The following RUSF1 variants were observed in gnomAD, a reference collection of about 807,000 sequenced individuals.
RUSF1 encodes RUS family member 1.
A neutral mutation model predicts 63.0 loss-of-function variants in RUSF1; 58 were observed. The observed-to-expected ratio is 0.92, with a 90% CI of 0.75 to 1.15. RUSF1 has a LOEUF of 1.15. Ranked by LOEUF, RUSF1 falls within the 50% of genes most tolerant of loss-of-function variation. RUSF1 has a pLI of 0.00. For synonymous variants in RUSF1, 274 were observed against 255.8 expected, an observed-to-expected ratio of 1.07 and a Z score of -0.68; for missense variants, 652 against 611.0, an observed-to-expected ratio of 1.07 and a Z score of -0.71.
At position 31,490,443 on chromosome 16, in the gene RUSF1, A is replaced by G. The variant is rs774466733; in HGVS notation, c.*392T>C. ...GGCAGCAGCCAGGCGGCTGGAGGAC[A>G]TCAGCGAGGACCCGAGCTGGGCCCG... On this transcript the variant is annotated 3_prime_UTR_variant, in exon 13 of 13. Transcript: ENST00000327237. The G allele has an allele frequency of 6.2e-7, 1 of 1,613,960 alleles. No individual in the cohort carries two copies. The highest frequency in any genetic ancestry group is 1.7e-5 in the Admixed American group (1 of 59,998).
At chr16:31,504,976 C>G (rs2082650803) in intron 2 of RUSF1, among the ~76,000 whole-genome samples, 1 of 152,120 alleles carries the variant, frequency 6.6e-6, no homozygotes, top group East Asian at 1.9e-4. Context: ...ACCAGGGGCA[C>G]AATGCACTGT....
intron 2 of RUSF1, among the ~76,000 whole-genome samples, chr16:31,501,506 G>A (rs1414996045): frequency 6.6e-6 from 1 of 152,018 alleles, no homozygotes; most frequent in Admixed American, 6.5e-5. Flanking sequence ...TGAGGCGGAA[G>A]GATGGCTTGA....
intron 2 of RUSF1, among the ~76,000 whole-genome samples, chr16:31,501,238 T>C (rs1380312342): frequency 6.6e-6 from 1 of 152,220 alleles, no homozygotes; most frequent in Non-Finnish European, 1.5e-5. Context: ...GCTAACCTGT[T>C]CTAGCTCTTA....
At position 31,490,437 on chromosome 16, in the gene RUSF1, G is replaced by A. The variant is rs149843540; in HGVS notation, c.*398C>T. 27 of 1,613,774 alleles carry A rather than the reference G, an allele frequency of 1.7e-5. No homozygotes were observed. Among genetic ancestry groups the A allele is most frequent in the African/African-American group, 5.3e-5 (4 of 74,944 alleles). The stretch of plus-strand genomic sequence containing the variant: ...GGCAGCGGCAGCAGCCAGGCGGCTG[G>A]AGGACATCAGCGAGGACCCGAGCTG... On this transcript the variant is annotated 3_prime_UTR_variant, in exon 13 of 13. Coordinates refer to ENST00000327237, the MANE Select transcript of RUSF1 (RefSeq NM_022744.4).
At chr16:31,494,140 T>C (rs796320927) in intron 6 of RUSF1, among the ~76,000 whole-genome samples, 24 of 152,272 alleles carry the variant, frequency 1.6e-4, no homozygotes, top group African/African-American at 5.3e-4. Flanking sequence ...GTACCAGCAC[T>C]TTGGGAGGCT....
At chr16:31,496,752 T>G (rs905580213) in intron 6 of RUSF1, 97 bp downstream of exon 6, 31 of 1,084,668 alleles carry the variant, frequency 2.9e-5, no homozygotes, top group Non-Finnish European at 3.7e-5. Context: ...GCACCCATAC[T>G]TCTTCCTGTG....
At chr16:31,504,415 C>T (rs1301353499) in intron 2 of RUSF1, among the ~76,000 whole-genome samples, 3 of 152,074 alleles carry the variant, frequency 2.0e-5, no homozygotes, top group Non-Finnish European at 4.4e-5. Context: ...ATTCCAGGCA[C>T]GTGCCACCAT....
chr16:31,502,067 A>G (rs2082635485), intron 2 of RUSF1, among the ~76,000 whole-genome samples: 1 of 152,220 alleles, frequency 6.6e-6, no homozygotes, highest in Non-Finnish European at 1.5e-5. Context: ...AGCAGCACCC[A>G]TTAAGCCTGG....
At chr16:31,500,655 C>T in intron 3 of RUSF1, 31 bp downstream of exon 3, 1 of 1,607,028 alleles carries the variant, frequency 6.2e-7, no homozygotes, top group Non-Finnish European at 8.5e-7. Context: ...GGAAGAGTTG[C>T]CAGAGTTGCT....
At chr16:31,496,086 G>A (rs1203951275) in intron 6 of RUSF1, among the ~76,000 whole-genome samples, 2 of 152,140 alleles carry the variant, frequency 1.3e-5, no homozygotes, top group African/African-American at 4.8e-5. Flanking sequence ...GTTGGTGTGA[G>A]AGTTTGTTTG....
Position 31,490,003 on chromosome 16 carries a change from G to A in RUSF1, c.*832C>T. 4 of 1,500,004 alleles carry A rather than the reference G, an allele frequency of 2.7e-6. No homozygotes were observed. The South Asian group carries it at 4.7e-5, about 18-fold the overall frequency. The allele number at this position is 1,500,004 out of a possible 1,614,324, so 92.9% of individuals were successfully genotyped here. A position where few individuals can be genotyped will look rare whatever the true frequency, so the allele number is the denominator to read the frequency against. On this transcript the variant is annotated 3_prime_UTR_variant, in exon 13 of 13. Coordinates refer to ENST00000327237, the MANE Select transcript of RUSF1 (RefSeq NM_022744.4). ...GGGCTGGGTGTGTAGACTGGACAGAGGTGGGTAGGGCAGGCAGTGACGAGC... is the reference window on the plus strand; with the variant it reads ...GGGCTGGGTGTGTAGACTGGACAGAAGTGGGTAGGGCAGGCAGTGACGAGC...
intron 2 of RUSF1, among the ~76,000 whole-genome samples, chr16:31,503,416 T>C (rs1017230441): frequency 6.6e-6 from 1 of 152,208 alleles, no homozygotes; most frequent in African/African-American, 2.4e-5. Flanking sequence ...AAGACACATA[T>C]TACATGTAAC....
chr16:31,493,229 G>T, intron 9 of RUSF1, 181 bp from the exon 10 acceptor site: 1 of 867,694 alleles, frequency 1.2e-6, no homozygotes, highest in Non-Finnish European at 1.9e-6. Flanking sequence ...CCTGTATCCA[G>T]TCATCCAACT....
rs761287089 is a variant in RUSF1 at position 31,490,399 on chromosome 16, T to G, written c.*436A>C. 11 of 1,613,486 alleles carry G rather than the reference T, an allele frequency of 6.8e-6. No homozygotes were observed. Among genetic ancestry groups the G allele is most frequent in the Non-Finnish European group, 9.3e-6 (11 of 1,179,868 alleles). On this transcript the variant is annotated 3_prime_UTR_variant, in exon 13 of 13. Transcript: ENST00000327237. ...GGTGGGGTGGGCAGTCCTCCGCCCCTTACCCAGGAGGAGGCAGCGGCAGCA... is the reference window on the plus strand; with the variant it reads ...GGTGGGGTGGGCAGTCCTCCGCCCCGTACCCAGGAGGAGGCAGCGGCAGCA...
intron 12 of RUSF1, 111 bp from the exon 13 acceptor site, chr16:31,491,043 G>C (rs2082563661): frequency 1.0e-6 from 1 of 978,440 alleles, no homozygotes; most frequent in African/African-American, 1.6e-5. Flanking sequence ...CCTCTGCTGG[G>C]TGAGTATGGC....
chr16:31,493,719 G>A lies in RUSF1; in HGVS notation c.842C>T (p.Ala281Val), dbSNP rs367769107. The A allele has an allele frequency of 6.2e-7, 1 of 1,614,258 alleles. No individual in the cohort carries two copies. The highest frequency in any genetic ancestry group is 8.5e-7 in the Non-Finnish European group (1 of 1,180,050). ...TTCGTTCAAGGTCTCCATGACCAGGGCTCGGACCGCGCGGTAGTTGGCGTA... is the reference window on the plus strand; with the variant it reads ...TTCGTTCAAGGTCTCCATGACCAGGACTCGGACCGCGCGGTAGTTGGCGTA... ...HIYANYRAVR[A>V]LVMETLNEGR... The change falls in exon 8 of 13, where the codon GCC becomes GTC. Residue 281 changes from alanine to valine, a missense_variant. Ala to Val is a moderately conservative substitution (Grantham distance 64). Coordinates refer to ENST00000327237, the MANE Select transcript of RUSF1 (RefSeq NM_022744.4).
At position 31,489,989 on chromosome 16, in the gene RUSF1, G is replaced by A; in HGVS notation, c.*846C>T. 7.1e-7 allele frequency: 1 copy of A among 1,406,720 alleles called. No individual in the cohort carries two copies. The highest frequency in any genetic ancestry group is 2.4e-4 in the Middle Eastern group (1 of 4,128). The allele number at this position is 1,406,720 out of a possible 1,614,324, so 87.1% of individuals were successfully genotyped here. A position where few individuals can be genotyped will look rare whatever the true frequency, so the allele number is the denominator to read the frequency against. On this transcript the variant is annotated 3_prime_UTR_variant, in exon 13 of 13. Coordinates refer to ENST00000327237, the MANE Select transcript of RUSF1 (RefSeq NM_022744.4). ...CATGAGTTAAGCCTGGGCTGGGTGTGTAGACTGGACAGAGGTGGGTAGGGC... is the reference window on the plus strand; with the variant it reads ...CATGAGTTAAGCCTGGGCTGGGTGTATAGACTGGACAGAGGTGGGTAGGGC...
chr16:31,500,431 A>G (rs540808760), intron 3 of RUSF1, among the ~76,000 whole-genome samples: 51 of 152,326 alleles, frequency 3.3e-4, no homozygotes, highest in Admixed American at 2.0e-3. Flanking sequence ...TATGAAATGT[A>G]CACATCCAAT....
At position 31,490,627 on chromosome 16, in the gene RUSF1, G is replaced by C; in HGVS notation, c.*208C>G. On this transcript the variant is annotated 3_prime_UTR_variant, in exon 13 of 13. Transcript: ENST00000327237. ...TCCCCAGAAAAGGGGAAGGGGCAGT[G>C]GGGTGAGAAGGTCCTGGCTCCCCTT... The C allele has an allele frequency of 7.6e-6, 9 of 1,186,866 alleles. No homozygotes were observed. Among genetic ancestry groups the C allele is most frequent in the Non-Finnish European group, 9.8e-6 (8 of 816,654 alleles). 73.5% of individuals were successfully genotyped at this position (1,186,866 alleles called of 1,614,324 possible).
Sources: gnomAD v4.1 joint callset for allele counts (sites outside exome capture counted in the v4.1 genomes callset) on GRCh38, gnomAD v4.1.1 for gene constraint, MANE v1.5 for transcripts, NCBI Gene and HGNC (gene_info 2026-07-23, HGNC 2026-07-21) for gene names.